Variants in DCPS observed in about 807,000 individuals in gnomAD.
DCPS encodes the protein m7GpppX diphosphatase.
A neutral mutation model predicts 34.7 loss-of-function variants in DCPS; 27 were observed. The ratio of observed to expected loss-of-function variants is 0.78; its 90% CI spans 0.57 to 1.07. The LOEUF (loss-of-function observed/expected upper bound fraction) is 1.07. Among genes scored for constraint, DCPS ranks in the 50% least tolerant of loss-of-function variants. DCPS has a pLI of 0.00. For synonymous variants in DCPS, 185 were observed against 185.7 expected (o/e 1.00, Z 0.03); for missense variants, 464 against 436.9 (o/e 1.06, Z -0.55).
At position 126,312,085 on chromosome 11, in the gene DCPS, C is replaced by T. The variant is rs932817296; in HGVS notation, c.376+5341C>T. On this transcript the variant is annotated intron_variant, in intron 2 of 5. Coordinates refer to ENST00000263579, the MANE Select transcript of DCPS (RefSeq NM_014026.6). The surrounding 1 kb of genome is among the most constrained non-coding windows in gnomAD (Gnocchi z 5.1). Reference sequence around the variant, plus strand: ...AGCTGGGATTACAGGCATCCTCCACCATGCCTGGCTAATTTTTGTGTTTTT... The same window carrying T: ...AGCTGGGATTACAGGCATCCTCCACTATGCCTGGCTAATTTTTGTGTTTTT... Among the ~76,000 whole-genome samples the T allele has an allele frequency of 1.3e-5, 2 of 151,960 alleles. No homozygotes were observed. Among genetic ancestry groups the T allele is most frequent in the African/African-American group, 4.8e-5 (2 of 41,356 alleles).
Position 126,347,293 on chromosome 11 carries a change from G to A in DCPS, c.*1680G>A, listed in dbSNP as rs1203351210. ...GGCTGGAGTGCAGTGGCACAATCTCGACTCACTGCAACCTCTGCCTCCTGG... is the reference window on the plus strand; with the variant it reads ...GGCTGGAGTGCAGTGGCACAATCTCAACTCACTGCAACCTCTGCCTCCTGG... On this transcript the variant is annotated 3_prime_UTR_variant, in exon 6 of 6. Coordinates refer to ENST00000263579, the MANE Select transcript of DCPS (RefSeq NM_014026.6). The surrounding 1 kb of genome is among the most constrained non-coding windows in gnomAD (Gnocchi z 4.2). Among the ~76,000 whole-genome samples the A allele has an allele frequency of 3.4e-5, 5 of 145,090 alleles. No individual in the cohort carries two copies. Among genetic ancestry groups the A allele is most frequent in the Non-Finnish European group, 6.0e-5 (4 of 67,198 alleles).
At chr11:126,304,674 A>T (rs1488843546) in intron 1 of DCPS, among the ~76,000 whole-genome samples, 1 of 152,158 alleles carries the variant, frequency 6.6e-6, no homozygotes, top group Non-Finnish European at 1.5e-5. Flanking sequence ...AGGAGATGTG[A>T]TCTCTGCCTT....
At position 126,338,470 on chromosome 11, in the gene DCPS, C is replaced by A. The variant is rs1018557310; in HGVS notation, c.636+71C>A. 26 of 1,373,388 alleles carry A rather than the reference C, an allele frequency of 1.9e-5. No individual in the cohort carries two copies. The highest frequency in any genetic ancestry group is 2.4e-5 in the Non-Finnish European group (23 of 962,574). 85.1% of individuals were successfully genotyped at this position (1,373,388 alleles called of 1,614,324 possible). On this transcript the variant is annotated intron_variant, in intron 4 of 5. Coordinates refer to ENST00000263579, the MANE Select transcript of DCPS (RefSeq NM_014026.6). The surrounding 1 kb of genome is among the most constrained non-coding windows in gnomAD (Gnocchi z 5.4). ...GTAAGTGCTGGTCCTTCTGACTGCC[C>A]TCTTTCTCACGCTGGCCTGTCTCTA...
chr11:126,347,212 T>TC lies in DCPS; in HGVS notation c.*1602dup, dbSNP rs1249105029. Among the ~76,000 whole-genome samples, 1 of 148,372 alleles carries TC rather than the reference T, an allele frequency of 6.7e-6. No individual in the cohort carries two copies. The highest frequency in any genetic ancestry group is 1.5e-5 in the Non-Finnish European group (1 of 67,458). On this transcript the variant is annotated 3_prime_UTR_variant, in exon 6 of 6. Coordinates refer to ENST00000263579, the MANE Select transcript of DCPS (RefSeq NM_014026.6). This position sits in a 1 kb window ranked among gnomAD's most constrained non-coding sequence, Gnocchi z 4.2. ...CCACTGGCCTCCACTCAGCCATTCT[T>TC]CCCTGCAGCTCTTTTTTTTTTTTTT...
chr11:126,316,502 T>G lies in DCPS; in HGVS notation c.376+9758T>G, dbSNP rs180959970. Among the ~76,000 whole-genome samples the G allele has an allele frequency of 6.0e-4, 91 of 152,220 alleles. 2 individuals carry two copies. Among genetic ancestry groups the G allele is most frequent in the African/African-American group, 2.1e-3 (89 of 41,460 alleles). ...TTGTTTCCAGAAAGCTCTTTCCTGC[T>G]TCTCCAATCTGGACAGGTGATTCTT... On this transcript the variant is annotated intron_variant, in intron 2 of 5. Transcript: ENST00000263579.
chr11:126,348,021 C>G lies in DCPS; in HGVS notation c.*2408C>G, dbSNP rs1272483344. Among the ~76,000 whole-genome samples, 1 of 152,064 alleles carries G rather than the reference C, an allele frequency of 6.6e-6. No homozygotes were observed. Among genetic ancestry groups the G allele is most frequent in the South Asian group, 2.1e-4 (1 of 4,816 alleles). On this transcript the variant is annotated 3_prime_UTR_variant, in exon 6 of 6. Coordinates refer to ENST00000263579, the MANE Select transcript of DCPS (RefSeq NM_014026.6). This position sits in a 1 kb window ranked among gnomAD's most constrained non-coding sequence, Gnocchi z 5.3. ...CTCCACGGGCTCCCGCTGACCTTGC[C>G]GTTCCTTCCCCTCATCTCGTAGCGC...
Position 126,331,281 on chromosome 11 carries a change from C to G in DCPS, c.377-124C>G. On this transcript the variant is annotated intron_variant, in intron 2 of 5. Transcript: ENST00000263579. The surrounding 1 kb of genome is among the most constrained non-coding windows in gnomAD (Gnocchi z 7.2). ...GGGAGTGGATCTTGGGTGCATGATC[C>G]TCTTGGATTTTGGCTTCCCTCAGGG... 1 of 1,426,500 alleles carries G rather than the reference C, an allele frequency of 7.0e-7. No homozygotes were observed. Among genetic ancestry groups the G allele is most frequent in the Non-Finnish European group, 9.5e-7 (1 of 1,049,760 alleles). 88.4% of individuals were successfully genotyped at this position (1,426,500 alleles called of 1,614,324 possible).
Position 126,349,804 on chromosome 11 carries a change from G to T in DCPS, c.*4191G>T, listed in dbSNP as rs1951974918. ...ATTATTGATAGTTGTTTTTAAAATAGCCTTGCTTAGCAAAATAAATGTTGG... is the reference window on the plus strand; with the variant it reads ...ATTATTGATAGTTGTTTTTAAAATATCCTTGCTTAGCAAAATAAATGTTGG... On this transcript the variant is annotated 3_prime_UTR_variant, in exon 6 of 6. Coordinates refer to ENST00000263579, the MANE Select transcript of DCPS (RefSeq NM_014026.6). The surrounding 1 kb of genome is among the most constrained non-coding windows in gnomAD (Gnocchi z 5.4). Among the ~76,000 whole-genome samples the T allele has an allele frequency of 1.3e-5, 2 of 152,096 alleles. No individual in the cohort carries two copies. Among genetic ancestry groups the T allele is most frequent in the South Asian group, 2.1e-4 (1 of 4,830 alleles).
At position 126,304,103 on chromosome 11, in the gene DCPS, T is replaced by A; in HGVS notation, c.23T>A (p.Leu8Gln). 6.2e-7 allele frequency: 1 copy of A among 1,611,472 alleles called. No individual in the cohort carries two copies. The change falls in exon 1 of 6, where the codon CTA (leucine) becomes CAA (glutamine). Residue 8 changes from leucine to glutamine, a missense_variant. By Grantham distance (113) the Leu-to-Gln change is moderately radical (BLOSUM62 -2). Transcript: ENST00000263579. Reference protein sequence around the residue: MADAAPQLGKRKRELDVE... With the variant: MADAAPQQGKRKRELDVE... Reference sequence around the variant, plus strand: ...AGCATGGCGGACGCAGCTCCTCAACTAGGCAAGAGGAAGCGCGAATTGGAC... The same window carrying A: ...AGCATGGCGGACGCAGCTCCTCAACAAGGCAAGAGGAAGCGCGAATTGGAC...
intron 2 of DCPS, among the ~76,000 whole-genome samples, chr11:126,308,218 A>T (rs949304028): frequency 6.6e-6 from 1 of 152,238 alleles, no homozygotes; most frequent in Admixed American, 6.5e-5. Context: ...TGGAAACATG[A>T]GTGAGACTGG....
rs146614983 is a variant in DCPS, at chr11:126,349,517, A to G, written c.*3904A>G. ...CAAAATTGCTGAGTGGTCTCTATTT[A>G]CCAACATGAAACAGAAAAATACCAT... On this transcript the variant is annotated 3_prime_UTR_variant, in exon 6 of 6. Transcript: ENST00000263579. This position sits in a 1 kb window ranked among gnomAD's most constrained non-coding sequence, Gnocchi z 5.4. Among the ~76,000 whole-genome samples the G allele has an allele frequency of 6.6e-6, 1 of 152,342 alleles. No homozygotes were observed. Among genetic ancestry groups the G allele is most frequent in the East Asian group, 1.9e-4 (1 of 5,190 alleles).
rs932431992 is a variant in DCPS at position 126,334,900 on chromosome 11, A to G, written c.522+3350A>G. On this transcript the variant is annotated intron_variant, in intron 3 of 5. Coordinates refer to ENST00000263579, the MANE Select transcript of DCPS (RefSeq NM_014026.6). This position sits in a 1 kb window ranked among gnomAD's most constrained non-coding sequence, Gnocchi z 5.5. ...CTGGTGTTTGGATTCTCAGTCTGTC[A>G]TCTAAGAGCAGCGTGACATTGTCCT... 2.0e-5 allele frequency among the ~76,000 whole-genome samples: 3 copies of G among 152,218 alleles called. No individual in the cohort carries two copies. The highest frequency in any genetic ancestry group is 2.9e-5 in the Non-Finnish European group (2 of 68,036).
intron 2 of DCPS, among the ~76,000 whole-genome samples, chr11:126,321,659 C>G (rs1261514461): frequency 3.3e-5 from 5 of 151,298 alleles, no homozygotes; most frequent in Admixed American, 2.0e-4. Context: ...CTAAATAAAG[C>G]CTCAGCTGAA....
At position 126,347,014 on chromosome 11, in the gene DCPS, C is replaced by G. The variant is rs916823388; in HGVS notation, c.*1401C>G. Among the ~76,000 whole-genome samples, 1 of 151,710 alleles carries G rather than the reference C, an allele frequency of 6.6e-6. No homozygotes were observed. The highest frequency in any genetic ancestry group is 1.5e-5 in the Non-Finnish European group (1 of 67,962). On this transcript the variant is annotated 3_prime_UTR_variant, in exon 6 of 6. Transcript: ENST00000263579. The surrounding 1 kb of genome is among the most constrained non-coding windows in gnomAD (Gnocchi z 4.2). ...CTGAAGCAGGAGAATCCCTTGAACC[C>G]GGGAGGCGGAGGTTGCCGTGAGCCA...
In DCPS at chr11:126,334,719, G is replaced by A. The variant is rs1338364211; in HGVS notation, c.522+3169G>A. On this transcript the variant is annotated intron_variant, in intron 3 of 5. Transcript: ENST00000263579. The surrounding 1 kb of genome is among the most constrained non-coding windows in gnomAD (Gnocchi z 5.5). ...GCCAGGCAGTCTGGTCCCAGTATCTGTGCCCTAAGCCAGAGATACTATTTG... is the reference window on the plus strand; with the variant it reads ...GCCAGGCAGTCTGGTCCCAGTATCTATGCCCTAAGCCAGAGATACTATTTG... Among the ~76,000 whole-genome samples, 1 of 152,208 alleles carries A rather than the reference G, an allele frequency of 6.6e-6. No homozygotes were observed. The highest frequency in any genetic ancestry group is 2.4e-5 in the African/African-American group (1 of 41,444).
rs1951799539 is a variant in DCPS at position 126,332,209 on chromosome 11, T to C, written c.522+659T>C. On this transcript the variant is annotated intron_variant, in intron 3 of 5. Coordinates refer to ENST00000263579, the MANE Select transcript of DCPS (RefSeq NM_014026.6). The surrounding 1 kb of genome is among the most constrained non-coding windows in gnomAD (Gnocchi z 5.4). Reference sequence around the variant, plus strand: ...CGTCCAAAAGAAGGCAGGACCCCATTGGCCCCGGGGATTTGGTGCAGGGAC... The same window carrying C: ...CGTCCAAAAGAAGGCAGGACCCCATCGGCCCCGGGGATTTGGTGCAGGGAC... Among the ~76,000 whole-genome samples, 1 of 152,122 alleles carries C rather than the reference T, an allele frequency of 6.6e-6. No individual in the cohort carries two copies. Among genetic ancestry groups the C allele is most frequent in the Non-Finnish European group, 1.5e-5 (1 of 68,020 alleles).
chr11:126,334,913 G>A lies in DCPS; in HGVS notation c.522+3363G>A, dbSNP rs1049531644. Among the ~76,000 whole-genome samples, 1 of 152,218 alleles carries A rather than the reference G, an allele frequency of 6.6e-6. No individual in the cohort carries two copies. Among genetic ancestry groups the A allele is most frequent in the Non-Finnish European group, 1.5e-5 (1 of 68,050 alleles). On this transcript the variant is annotated intron_variant, in intron 3 of 5. Transcript: ENST00000263579. The surrounding 1 kb of genome is among the most constrained non-coding windows in gnomAD (Gnocchi z 5.5). The stretch of plus-strand genomic sequence containing the variant: ...TCTCAGTCTGTCATCTAAGAGCAGC[G>A]TGACATTGTCCTTAATTTCGGAGCC...
At chr11:126,311,001 C>T (rs1951615140) in intron 2 of DCPS, among the ~76,000 whole-genome samples, 1 of 152,144 alleles carries the variant, frequency 6.6e-6, no homozygotes, top group South Asian at 2.1e-4. Flanking sequence ...TGGTATTCCT[C>T]TGGTCACTGG....
chr11:126,326,741 G>T (rs1377752738), intron 2 of DCPS, among the ~76,000 whole-genome samples: 1 of 152,120 alleles, frequency 6.6e-6, no homozygotes. Flanking sequence ...GGCTAACACG[G>T]TGAAACCCTG....
Sources: allele counts gnomAD v4.1 joint callset (sites outside exome capture counted in the v4.1 genomes callset), GRCh38; gene constraint gnomAD v4.1.1; non-coding constraint Gnocchi (gnomAD v3.1); transcripts MANE v1.5; gene names NCBI Gene and HGNC (gene_info 2026-07-23, HGNC 2026-07-21).